PIBF1: variants seen among roughly 807,000 people sequenced by gnomAD.
PIBF1 encodes progesterone-induced-blocking factor 1.
Under a neutral mutation model 112.5 loss-of-function variants are expected in PIBF1, and 90 were observed. That is an observed-to-expected ratio of 0.80 (90% confidence interval 0.67 to 0.95). PIBF1 has a LOEUF of 0.95. Ranked by LOEUF, PIBF1 falls within the 40% of genes least tolerant of loss-of-function variation. The pLI, the probability that PIBF1 is intolerant of heterozygous loss-of-function variation, is 0.00. For missense variants in PIBF1, 915 were observed against 852.3 expected (o/e 1.07, Z -0.92); for synonymous variants, 301 against 288.6 (o/e 1.04, Z -0.44).
At chr13:72,869,378 G>C (rs1005104274) in intron 10 of PIBF1, among the ~76,000 whole-genome samples, 1 of 147,758 alleles carries the variant, frequency 6.8e-6, no homozygotes, top group Admixed American at 7.0e-5. Context: ...AAAAAACCAA[G>C]CACTGCATGT....
At chr13:72,988,429 G>A (rs1328585684) in intron 16 of PIBF1, among the ~76,000 whole-genome samples, 4 of 151,956 alleles carry the variant, frequency 2.6e-5, no homozygotes, top group African/African-American at 7.2e-5. Flanking sequence ...GAGATCGAGG[G>A]GCTGTAGATA....
intron 10 of PIBF1, among the ~76,000 whole-genome samples, chr13:72,860,559 A>G (rs573589196): frequency 1.5e-3 from 232 of 152,042 alleles, no homozygotes; most frequent in Non-Finnish European, 2.7e-3. Flanking sequence ...CTATGTTTTA[A>G]TCTTTATGCG....
intron 9 of PIBF1, 109 bp downstream of exon 9, chr13:72,835,477 G>T: frequency 1.3e-6 from 1 of 782,114 alleles, no homozygotes; most frequent in Non-Finnish European, 1.9e-6. Flanking sequence ...TAATACATTA[G>T]AGAAAACTTG....
intron 3 of PIBF1, among the ~76,000 whole-genome samples, chr13:72,793,025 G>C (rs1016944459): frequency 1.3e-5 from 2 of 151,932 alleles, no homozygotes; most frequent in South Asian, 2.1e-4. Flanking sequence ...TTCAATAAAA[G>C]GAACTAAAAA....
At chr13:72,959,733 T>C (rs889258202) in intron 14 of PIBF1, among the ~76,000 whole-genome samples, 2 of 152,198 alleles carry the variant, frequency 1.3e-5, no homozygotes, top group African/African-American at 4.8e-5. Context: ...AAAGATATAA[T>C]GATGTTTTAA....
intron 14 of PIBF1, among the ~76,000 whole-genome samples, chr13:72,935,406 C>T (rs554482836): frequency 6.6e-5 from 10 of 152,116 alleles, no homozygotes; most frequent in African/African-American, 2.4e-4. Context: ...TACTGAGTAA[C>T]ATTTCGTTGT....
At chr13:72,853,760 C>T (rs973929271) in intron 9 of PIBF1, among the ~76,000 whole-genome samples, 32 of 152,130 alleles carry the variant, frequency 2.1e-4, no homozygotes, top group African/African-American at 6.0e-4. Flanking sequence ...AATAATTACA[C>T]CTATCTCATT....
chr13:72,859,763 A>G (rs1394701586), intron 10 of PIBF1, among the ~76,000 whole-genome samples: 1 of 152,190 alleles, frequency 6.6e-6, no homozygotes, highest in Non-Finnish European at 1.5e-5. Flanking sequence ...CTACAGTAAT[A>G]GAAGTTATAT....
intron 10 of PIBF1, among the ~76,000 whole-genome samples, chr13:72,871,278 G>T (rs2039152534): frequency 6.6e-6 from 1 of 152,006 alleles, no homozygotes; most frequent in Non-Finnish European, 1.5e-5. Flanking sequence ...CTAGTCAAGT[G>T]GTGTCTGTCT....
intron 11 of PIBF1, among the ~76,000 whole-genome samples, chr13:72,902,965 G>A (rs991631859): frequency 2.7e-5 from 4 of 150,406 alleles, no homozygotes; most frequent in African/African-American, 9.8e-5. Context: ...TCACAATCTC[G>A]GCTCACTGCG....
At chr13:72,854,904 A>G (rs954241512) in intron 10 of PIBF1, among the ~76,000 whole-genome samples, 2 of 152,142 alleles carry the variant, frequency 1.3e-5, no homozygotes, top group African/African-American at 2.4e-5. Flanking sequence ...TAATTTACCA[A>G]TAGAAAATGA....
chr13:73,013,300 C>CAAAAAAAAA (rs869055620), intron 17 of PIBF1, among the ~76,000 whole-genome samples: 1 of 14,648 alleles, frequency 6.8e-5, no homozygotes, highest in Non-Finnish European at 1.6e-4. Context: ...GACTCTGTCT[C>CAAAAAAAAA]AAAAAAAAAA....
chr13:72,851,394 T>C (rs2038147302), intron 9 of PIBF1, among the ~76,000 whole-genome samples: 1 of 152,254 alleles, frequency 6.6e-6, no homozygotes, highest in South Asian at 2.1e-4. Flanking sequence ...CTGGGCACTG[T>C]TGCAGGTGTG....
chr13:73,005,051 GGT>G (rs2043989424), intron 17 of PIBF1, among the ~76,000 whole-genome samples: 1 of 152,052 alleles, frequency 6.6e-6, no homozygotes, highest in East Asian at 1.9e-4. Context: ...CAAGCGTGGT[GGT>G]GCATGCCTGT....
At chr13:72,836,065 C>G (rs2037347166) in intron 9 of PIBF1, 1 of 446,110 alleles carries the variant, frequency 2.2e-6, no homozygotes, top group African/African-American at 2.1e-5. Context: ...CACCACTACA[C>G]TCCAGCCTTG....
At chr13:72,866,940 A>G (rs767578459) in intron 10 of PIBF1, among the ~76,000 whole-genome samples, 2 of 152,188 alleles carry the variant, frequency 1.3e-5, no homozygotes, top group Non-Finnish European at 2.9e-5. Context: ...CTAGATGTGA[A>G]GATATGCTGA....
At chr13:72,801,507 A>G (rs1186521062) in intron 5 of PIBF1, among the ~76,000 whole-genome samples, 4 of 152,342 alleles carry the variant, frequency 2.6e-5, no homozygotes, top group Non-Finnish European at 2.9e-5. Context: ...CAGACCTTAC[A>G]TGGTGCTATT....
In PIBF1 at chr13:72,814,894, C is replaced by T. The variant is rs556120733; in HGVS notation, c.673-6955C>T. On this transcript the variant is annotated intron_variant, in intron 5 of 17. Transcript: ENST00000326291. Reference sequence around the variant, plus strand: ...GCTTGAAAACAAAAAGGAAAGTGAACTGTGCCAACAAAATATAGATTACTA... The same window carrying T: ...GCTTGAAAACAAAAAGGAAAGTGAATTGTGCCAACAAAATATAGATTACTA... Among the ~76,000 whole-genome samples the T allele has an allele frequency of 1.1e-4, 16 of 152,194 alleles. No homozygotes were observed. In the South Asian group the frequency reaches 2.3e-3, roughly 22 times the overall value.
chr13:72,837,392 G>C (rs967254861), intron 9 of PIBF1, among the ~76,000 whole-genome samples: 2 of 151,994 alleles, frequency 1.3e-5, no homozygotes, highest in African/African-American at 4.8e-5. Context: ...TGAATCCTGA[G>C]AAAATTTTGT....
Sources: allele counts gnomAD v4.1 joint callset (sites outside exome capture counted in the v4.1 genomes callset), GRCh38; gene constraint gnomAD v4.1.1; transcripts MANE v1.5; gene names NCBI Gene and HGNC (gene_info 2026-07-23, HGNC 2026-07-21).